TMPRSS3: variants seen among roughly 807,000 people sequenced by gnomAD.
TMPRSS3 encodes transmembrane protease serine 3.
In TMPRSS3, 55 loss-of-function variants were observed where a neutral mutation model predicts 59.6. The ratio of observed to expected loss-of-function variants is 0.92; its 90% CI spans 0.74 to 1.16. The LOEUF (loss-of-function observed/expected upper bound fraction) is 1.16, where lower values mean the gene tolerates loss of function less well. TMPRSS3 is among the 50% of genes most tolerant of loss of function. The pLI, the probability that TMPRSS3 is intolerant of heterozygous loss-of-function variation, is 0.00. For missense variants in TMPRSS3, 596 were observed against 579.4 expected, an observed-to-expected ratio of 1.03 and a Z score of -0.29; for synonymous variants, 257 against 237.7, an observed-to-expected ratio of 1.08 and a Z score of -0.75.
chr21:42,375,982 A>G, intron 11 of TMPRSS3, 114 bp from the exon 12 acceptor site: 1 of 1,364,694 alleles, frequency 7.3e-7, no homozygotes, highest in South Asian at 1.2e-5. Context: ...ACCCCCCTTC[A>G]TGATGTCCCA....
chr21:42,381,411 C>T (rs548422168), intron 9 of TMPRSS3, among the ~76,000 whole-genome samples: 152 of 152,316 alleles, frequency 1.0e-3, no homozygotes, highest in Admixed American at 2.0e-3. Context: ...ACCTGGCCAG[C>T]CTGGGAGGTT....
intron 12 of TMPRSS3, among the ~76,000 whole-genome samples, chr21:42,374,092 C>T (rs563937777): frequency 2.6e-5 from 4 of 152,340 alleles, no homozygotes; most frequent in African/African-American, 9.6e-5. Context: ...TTCTGTGCCC[C>T]CCAGGCTCCC....
In TMPRSS3 at chr21:42,383,995, G is replaced by C. The variant is rs1049192314; in HGVS notation, c.591C>G (p.Gly197=). 6.2e-7 allele frequency: 1 copy of C among 1,613,950 alleles called. No homozygotes were observed. Among genetic ancestry groups the C allele is most frequent in the African/African-American group, 1.3e-5 (1 of 74,900 alleles). ...SVYVREGCAS[G]HVVTLQCTAC... ...CTGTGCACTGCAAGGTAACCACGTG[G>C]CCAGAGGCACATCCCTCCCTAAAGC... Residue 197 remains glycine (G), a synonymous_variant, in exon 7 of 13, where the codon GGC becomes GGG. Coordinates refer to ENST00000644384, the MANE Select transcript of TMPRSS3 (RefSeq NM_001256317.3).
In TMPRSS3 at chr21:42,388,944, C is replaced by T. The variant is rs2052684166; in HGVS notation, c.307G>A (p.Asp103Asn). 1.2e-6 allele frequency: 2 copies of T among 1,614,128 alleles called. No homozygotes were observed. The highest frequency in any genetic ancestry group is 1.7e-6 in the Non-Finnish European group (2 of 1,179,988). The change falls in exon 4 of 13, where the codon GAC (aspartate) becomes AAC (asparagine). Residue 103 changes from aspartate to asparagine, a missense_variant. Asp to Asn is a conservative substitution (Grantham distance 23). Coordinates refer to ENST00000644384, the MANE Select transcript of TMPRSS3 (RefSeq NM_001256317.3). This position sits in a 1 kb window ranked among gnomAD's most constrained non-coding sequence, Gnocchi z 5.1. Reference protein sequence around the residue: ...DGVSDCKDGEDEYRCVRVGGQ... With the variant: ...DGVSDCKDGENEYRCVRVGGQ... Reference sequence around the variant, plus strand: ...ATGACCTTACCACAGCGGTACTCGTCCTCCCCGTCTTTGCAATCCGAGACT... The same window carrying T: ...ATGACCTTACCACAGCGGTACTCGTTCTCCCCGTCTTTGCAATCCGAGACT...
At chr21:42,379,940 T>TGACTC (rs2052494667) in intron 10 of TMPRSS3, among the ~76,000 whole-genome samples, 177 bp downstream of exon 10, 1 of 152,174 alleles carries the variant, frequency 6.6e-6, no homozygotes, top group Admixed American at 6.5e-5. Context: ...AATGGAACCG[T>TGACTC]GACTCCTGAC....
At chr21:42,387,210 G>A (rs1304062199) in intron 5 of TMPRSS3, among the ~76,000 whole-genome samples, 1 of 152,098 alleles carries the variant, frequency 6.6e-6, no homozygotes, top group Non-Finnish European at 1.5e-5. Context: ...GAGCAGAGAG[G>A]CCTTGGGGTT....
At chr21:42,376,467 G>A in intron 11 of TMPRSS3, 74 bp downstream of exon 11, 1 of 1,599,788 alleles carries the variant, frequency 6.3e-7, no homozygotes, top group Middle Eastern at 2.1e-4. Context: ...CTGTCACAGG[G>A]AAACGCTGGC....
At chr21:42,395,864 A>C (rs1412641661) in intron 1 of TMPRSS3, 78 bp downstream of exon 1, 4 of 477,038 alleles carry the variant, frequency 8.4e-6, no homozygotes, top group Non-Finnish European at 1.7e-5. Flanking sequence ...GATTGTTTTC[A>C]CCTGTCCCAC....
chr21:42,385,658 C>A (rs2052623586), intron 5 of TMPRSS3, 124 bp from the exon 6 acceptor site: 2 of 1,245,370 alleles, frequency 1.6e-6, no homozygotes, highest in South Asian at 2.4e-5. Context: ...CCCCCCAAAC[C>A]CATCAAAGGC....
At chr21:42,387,880 A>G (rs182743589) in intron 5 of TMPRSS3, among the ~76,000 whole-genome samples, 3 of 152,350 alleles carry the variant, frequency 2.0e-5, no homozygotes, top group Admixed American at 2.0e-4. Context: ...ACAAACACTA[A>G]AAAGTGAATA....
chr21:42,379,614 G>C (rs1109352), intron 10 of TMPRSS3, among the ~76,000 whole-genome samples: 1 of 151,944 alleles, frequency 6.6e-6, no homozygotes, highest in African/African-American at 2.4e-5. Context: ...AGGGTGGCCC[G>C]GGCTTCATTT....
intron 2 of TMPRSS3, 78 bp from the exon 3 acceptor site, chr21:42,390,115 C>A (rs2052710750): frequency 3.7e-6 from 4 of 1,080,546 alleles, no homozygotes; most frequent in South Asian, 2.6e-5. Context: ...ATTTAACTAT[C>A]CTTTCCCCCT....
intron 8 of TMPRSS3, chr21:42,382,697 T>C (rs2052554526): frequency 1.4e-5 from 6 of 437,866 alleles, no homozygotes; most frequent in South Asian, 2.2e-5. Context: ...CGTCTCACCC[T>C]GTCTCTGCCA....
In TMPRSS3 at chr21:42,375,760, T is replaced by G. The variant is rs1474312477; in HGVS notation, c.1300A>C (p.Thr434Pro). The change falls in exon 12 of 13, where the codon ACC (threonine) becomes CCC (proline). Residue 434 changes from threonine (T) to proline (P), a missense_variant. Coordinates refer to ENST00000644384, the MANE Select transcript of TMPRSS3 (RefSeq NM_001256317.3). ...CAEVNKPGVY[T>P]RVTSFLDWIH... is the part of the protein sequence containing the mutation. ...CAGTCCAGGAAGGAGGTGACACGGGTGTACACCCCAGGCTTGTTCACCTCT... is the reference window on the plus strand; with the variant it reads ...CAGTCCAGGAAGGAGGTGACACGGGGGTACACCCCAGGCTTGTTCACCTCT... 6.2e-7 allele frequency: 1 copy of G among 1,613,646 alleles called. No homozygotes were observed. Among genetic ancestry groups the G allele is most frequent in the African/African-American group, 1.3e-5 (1 of 74,986 alleles).
intron 12 of TMPRSS3, among the ~76,000 whole-genome samples, chr21:42,374,107 C>T (rs1399482717): frequency 6.6e-6 from 1 of 152,220 alleles, no homozygotes; most frequent in East Asian, 1.9e-4. Context: ...GCTCCCACAG[C>T]ACCCTGAACA....
At chr21:42,392,910 G>A (rs975066246) in intron 2 of TMPRSS3, among the ~76,000 whole-genome samples, 11 of 152,288 alleles carry the variant, frequency 7.2e-5, no homozygotes, top group Non-Finnish European at 1.6e-4. Context: ...TGCCCTGAGG[G>A]CACTGCAGGG....
At chr21:42,379,644 C>T (rs774133610) in intron 10 of TMPRSS3, among the ~76,000 whole-genome samples, 36 of 152,176 alleles carry the variant, frequency 2.4e-4, no homozygotes, top group Non-Finnish European at 4.6e-4. Flanking sequence ...ATGGTTACTG[C>T]CACTCCTACT....
In TMPRSS3 at chr21:42,390,032, C is replaced by T; in HGVS notation, c.100G>A (p.Asp34Asn). The part of the protein sequence containing the change: ...LKISPVAPDA[D>N]AVAAQILSLL... Reference sequence around the variant, plus strand: ...GACAGGATCTGTGCAGCAACAGCATCTGCATCTGAAAACCAGAAAAAGGAA... The same window carrying T: ...GACAGGATCTGTGCAGCAACAGCATTTGCATCTGAAAACCAGAAAAAGGAA... The change falls in exon 3 of 13, where the codon GAT becomes AAT. Residue 34 changes from aspartate (D) to asparagine (N), a missense_variant. By Grantham distance (23) the Asp-to-Asn change is conservative. Coordinates refer to ENST00000644384, the MANE Select transcript of TMPRSS3 (RefSeq NM_001256317.3). The T allele has an allele frequency of 6.2e-7, 1 of 1,613,482 alleles. No homozygotes were observed. The highest frequency in any genetic ancestry group is 1.3e-5 in the African/African-American group (1 of 75,032).
At position 42,375,817 on chromosome 21, in the gene TMPRSS3, C is replaced by G. The variant is rs1329995620; in HGVS notation, c.1243G>C (p.Val415Leu). 6.2e-7 allele frequency: 1 copy of G among 1,613,940 alleles called. No homozygotes were observed. The highest frequency in any genetic ancestry group is 1.3e-5 in the African/African-American group (1 of 75,034). ...CCGATGCCAAAGCTGGTCGCTCCCA[C>G]TAACTTCCACAGCCTCCTCTCTTGA... ...VCQERRLWKL[V>L]GATSFGIGCA... is the part of the protein sequence containing the mutation. The change falls in exon 12 of 13, where the codon GTG becomes CTG. Residue 415 changes from valine (V) to leucine (L), a missense_variant. Transcript: ENST00000644384.
Sources: gnomAD v4.1 joint callset for allele counts (sites outside exome capture counted in the v4.1 genomes callset) on GRCh38, gnomAD v4.1.1 for gene constraint, Gnocchi (gnomAD v3.1) non-coding constraint, MANE v1.5 for transcripts, NCBI Gene and HGNC (gene_info 2026-07-23, HGNC 2026-07-21) for gene names.